Variants in DCC observed in about 807,000 individuals in gnomAD.
The protein encoded by DCC is DCC netrin 1 receptor, also known as netrin receptor DCC.
DCC carries 58 observed loss-of-function variants against 172.5 expected under a neutral mutation model. The observed-to-expected ratio is 0.34, with a 90% CI of 0.27 to 0.42. The LOEUF (loss-of-function observed/expected upper bound fraction) is 0.42. Among genes scored for constraint, DCC ranks in the 10% least tolerant of loss-of-function variants. DCC has a pLI of 1.00. For missense variants in DCC, 1,740 were observed against 1,791.0 expected (o/e 0.97, Z 0.51); for synonymous variants, 709 against 644.5 (o/e 1.10, Z -1.52).
chr18:52,352,975 G>T (rs1984190572), intron 1 of DCC, among the ~76,000 whole-genome samples: 1 of 152,166 alleles, frequency 6.6e-6, no homozygotes, highest in South Asian at 2.1e-4. Flanking sequence ...ATGACTGAAA[G>T]CATCAGATAG....
At chr18:53,171,702 T>C (rs767059054) in intron 8 of DCC, among the ~76,000 whole-genome samples, 6 of 152,064 alleles carry the variant, frequency 3.9e-5, no homozygotes, top group Non-Finnish European at 7.4e-5. Context: ...CTTTAAAGTA[T>C]ACCTGTTCAG....
At chr18:52,766,090 C>A (rs2037247024) in intron 2 of DCC, among the ~76,000 whole-genome samples, 1 of 152,196 alleles carries the variant, frequency 6.6e-6, no homozygotes, top group East Asian at 1.9e-4. Flanking sequence ...CTGGAGTACA[C>A]AAGTGCTAGA....
At chr18:52,891,382 A>G (rs1229862386) in intron 2 of DCC, among the ~76,000 whole-genome samples, 1 of 152,124 alleles carries the variant, frequency 6.6e-6, no homozygotes, top group Admixed American at 6.6e-5. Context: ...TGAATGATTG[A>G]CATAAATTAT....
chr18:53,358,137 A>G (rs1376957297), intron 15 of DCC, among the ~76,000 whole-genome samples: 1 of 152,168 alleles, frequency 6.6e-6, no homozygotes, highest in Admixed American at 6.6e-5. Flanking sequence ...ATGGAATCTA[A>G]TGAATCCAAA....
chr18:52,624,244 AAATT>A (rs1257819741), intron 1 of DCC, among the ~76,000 whole-genome samples: 1 of 152,190 alleles, frequency 6.6e-6, no homozygotes, highest in Non-Finnish European at 1.5e-5. Flanking sequence ...TTTCATATAT[AAATT>A]AATTCAAATA....
chr18:52,710,392 T>TTAA (rs2036275189), intron 1 of DCC, among the ~76,000 whole-genome samples: 1 of 152,186 alleles, frequency 6.6e-6, no homozygotes, highest in Non-Finnish European at 1.5e-5. Flanking sequence ...TAAAATAAGA[T>TTAA]AAAAATATAT....
intron 12 of DCC, among the ~76,000 whole-genome samples, chr18:53,221,109 CT>C (rs1230220875): frequency 1.3e-5 from 2 of 151,722 alleles, no homozygotes; most frequent in Non-Finnish European, 2.9e-5. Flanking sequence ...TTAATAGATC[CT>C]TTTTTATTGT....
intron 13 of DCC, among the ~76,000 whole-genome samples, chr18:53,313,907 G>T (rs752558226): frequency 2.6e-5 from 4 of 152,168 alleles, no homozygotes; most frequent in Admixed American, 6.5e-5. Flanking sequence ...TCTCTAAAAT[G>T]GGACCAATCA....
intron 2 of DCC, among the ~76,000 whole-genome samples, chr18:52,757,729 T>C (rs2037098053): frequency 6.6e-6 from 1 of 152,190 alleles, no homozygotes; most frequent in Non-Finnish European, 1.5e-5. Flanking sequence ...AACCACTGAC[T>C]TGCTTTTTAT....
chr18:52,774,606 T>C (rs1006861359), intron 2 of DCC, among the ~76,000 whole-genome samples: 3 of 152,224 alleles, frequency 2.0e-5, no homozygotes, highest in Admixed American at 6.5e-5. Flanking sequence ...GGTTCCCTTG[T>C]TCCCCTCGCA....
intron 1 of DCC, among the ~76,000 whole-genome samples, chr18:52,531,028 ATCT>A (rs1388757471): frequency 6.6e-6 from 1 of 152,168 alleles, no homozygotes; most frequent in East Asian, 1.9e-4. Flanking sequence ...GCCTCTAAAC[ATCT>A]TCTATTTACT....
chr18:53,512,770 A>G (rs1299687508), intron 27 of DCC, among the ~76,000 whole-genome samples: 1 of 148,780 alleles, frequency 6.7e-6, no homozygotes, highest in East Asian at 2.0e-4. Flanking sequence ...AAAAAAGAAT[A>G]AAAAGAAATT....
At chr18:52,819,903 G>T (rs1053986502) in intron 2 of DCC, among the ~76,000 whole-genome samples, 4 of 151,684 alleles carry the variant, frequency 2.6e-5, no homozygotes, top group African/African-American at 7.3e-5. Flanking sequence ...TTTATTTTTA[G>T]TAGAGATGGG....
rs149938508 is a variant in DCC at position 52,867,472 on chromosome 18, A to G, written c.413-38572A>G. On this transcript the variant is annotated intron_variant, in intron 2 of 28. Coordinates refer to ENST00000442544, the MANE Select transcript of DCC (RefSeq NM_005215.4). Reference sequence around the variant, plus strand: ...AGAAATGGTACCAGCTCCTCTTTTTACCTCTGGTAGAATTTGGCTGTGAAT... The same window carrying G: ...AGAAATGGTACCAGCTCCTCTTTTTGCCTCTGGTAGAATTTGGCTGTGAAT... Among the ~76,000 whole-genome samples the G allele has an allele frequency of 5.0e-3, 741 of 148,056 alleles. 6 individuals are homozygous for G. The highest frequency in any genetic ancestry group is 0.017 in the African/African-American group (698 of 40,394).
At chr18:53,292,122 C>T (rs538190097) in intron 12 of DCC, among the ~76,000 whole-genome samples, 17 of 151,038 alleles carry the variant, frequency 1.1e-4, no homozygotes, top group African/African-American at 4.2e-4. Flanking sequence ...CACCCCCCCC[C>T]CCTTTTTTCC....
intron 27 of DCC, among the ~76,000 whole-genome samples, chr18:53,525,310 G>A (rs1343532896): frequency 6.6e-6 from 1 of 152,048 alleles, no homozygotes; most frequent in East Asian, 1.9e-4. Context: ...TAGGCACTCA[G>A]TAAATATTAT....
chr18:52,481,678 C>T (rs923144048), intron 1 of DCC, among the ~76,000 whole-genome samples: 1 of 151,944 alleles, frequency 6.6e-6, no homozygotes, highest in African/African-American at 2.4e-5. Context: ...CTAAGAAATG[C>T]TGAGGTTAAT....
chr18:52,879,412 CTTTTTTTTTTTTTTTTTT>C (rs71175533), intron 2 of DCC, among the ~76,000 whole-genome samples: 5 of 62,356 alleles, frequency 8.0e-5, no homozygotes, highest in Non-Finnish European at 1.5e-4. Context: ...TGTTGTTTGG[CTTTTTTTTTTTTTTTTTT>C]TTTTTTTTTT....
At chr18:52,927,277 A>ATG (rs1322006892) in intron 5 of DCC, among the ~76,000 whole-genome samples, 1 of 150,268 alleles carries the variant, frequency 6.7e-6, no homozygotes, top group Non-Finnish European at 1.5e-5. Context: ...ATATACTTAT[A>ATG]TGTGTGTATA....
Sources: gnomAD v4.1 joint callset for allele counts (sites outside exome capture counted in the v4.1 genomes callset) on GRCh38, gnomAD v4.1.1 for gene constraint, MANE v1.5 for transcripts, NCBI Gene and HGNC (gene_info 2026-07-23, HGNC 2026-07-21) for gene names.